The following PARD3 variants were observed in gnomAD, a reference collection of about 807,000 sequenced individuals.
The protein encoded by PARD3 is partitioning defective 3 homolog.
In PARD3, 75 loss-of-function variants were observed where a neutral mutation model predicts 155.4. That is an observed-to-expected ratio of 0.48 (90% confidence interval 0.40 to 0.58). The LOEUF is 0.58. Among genes scored for constraint, PARD3 ranks in the 20% least tolerant of loss-of-function variants. The pLI is 0.00. For synonymous variants in PARD3, 576 were observed against 610.5 expected, an observed-to-expected ratio of 0.94 and a Z score of 0.83; for missense variants, 1,642 against 1,721.7, an observed-to-expected ratio of 0.95 and a Z score of 0.82.
intron 4 of PARD3, among the ~76,000 whole-genome samples, chr10:34,462,077 A>G (rs1206880822): frequency 6.6e-5 from 10 of 152,264 alleles, no homozygotes. Flanking sequence ...CTGCATTCAA[A>G]TAAGATATTT....
intron 19 of PARD3, among the ~76,000 whole-genome samples, chr10:34,326,108 C>T (rs1589187124): frequency 7.5e-6 from 1 of 133,988 alleles, no homozygotes; most frequent in African/African-American, 2.8e-5. Flanking sequence ...GCCTGGGCTA[C>T]AGAGTGACAC....
intron 4 of PARD3, among the ~76,000 whole-genome samples, chr10:34,466,863 C>T (rs898780519): frequency 2.6e-5 from 4 of 152,072 alleles, no homozygotes; most frequent in Non-Finnish European, 5.9e-5. Context: ...GACTAAAATA[C>T]AAACAGCATA....
chr10:34,393,317 T>G (rs545708461), intron 7 of PARD3, among the ~76,000 whole-genome samples: 1 of 152,066 alleles, frequency 6.6e-6, no homozygotes, highest in Non-Finnish European at 1.5e-5. Flanking sequence ...AGGTGGCTCA[T>G]GCCCGTAATC....
At chr10:34,350,504 G>T (rs918567025) in intron 14 of PARD3, among the ~76,000 whole-genome samples, 2 of 151,928 alleles carry the variant, frequency 1.3e-5, no homozygotes, top group Admixed American at 1.3e-4. Context: ...TGTGGTGGCG[G>T]GCACCTGTAA....
intron 22 of PARD3, among the ~76,000 whole-genome samples, chr10:34,255,107 C>G (rs1193817408): frequency 6.6e-6 from 1 of 151,892 alleles, no homozygotes; most frequent in East Asian, 1.9e-4. Flanking sequence ...TCTGTTGCAA[C>G]CAAATTCTAA....
chr10:34,423,143 T>G (rs1476497643), intron 5 of PARD3, among the ~76,000 whole-genome samples: 2 of 152,036 alleles, frequency 1.3e-5, no homozygotes, highest in Non-Finnish European at 2.9e-5. Flanking sequence ...TACTCTGCCT[T>G]TAAAAAGAAA....
intron 1 of PARD3, among the ~76,000 whole-genome samples, chr10:34,707,559 A>C (rs2094384790): frequency 6.6e-6 from 1 of 152,200 alleles, no homozygotes; most frequent in African/African-American, 2.4e-5. Context: ...GCGAGAAGAG[A>C]TCAGAGAGGA....
intron 22 of PARD3, among the ~76,000 whole-genome samples, chr10:34,215,998 A>T (rs1564489652): frequency 6.6e-6 from 1 of 152,226 alleles, no homozygotes; most frequent in Non-Finnish European, 1.5e-5. Flanking sequence ...CTCTATGAAA[A>T]CAAATAAATG....
chr10:34,184,771 G>A (rs1950415538), intron 22 of PARD3, among the ~76,000 whole-genome samples: 1 of 148,706 alleles, frequency 6.7e-6, no homozygotes, highest in Non-Finnish European at 1.5e-5. Context: ...CTGCAAAAGA[G>A]ATCAGAACCT....
chr10:34,293,440 T>C (rs1338560164), intron 20 of PARD3, among the ~76,000 whole-genome samples: 4 of 152,148 alleles, frequency 2.6e-5, no homozygotes, highest in African/African-American at 4.8e-5. Context: ...ATATTTCTGT[T>C]TCTCCCAACT....
intron 22 of PARD3, among the ~76,000 whole-genome samples, chr10:34,160,490 A>T (rs534275698): frequency 6.6e-5 from 10 of 152,334 alleles, no homozygotes; most frequent in Middle Eastern, 3.4e-3. Flanking sequence ...TTACATTTTT[A>T]AAAAATGTGC....
rs1588833736 is a variant in PARD3 at position 34,119,751 on chromosome 10, A to G, written c.3541-11T>C. 6.2e-7 allele frequency: 1 copy of G among 1,608,506 alleles called. No homozygotes were observed. Among genetic ancestry groups the G allele is most frequent in the Non-Finnish European group, 8.5e-7 (1 of 1,176,112 alleles). On this transcript the variant is annotated splice_polypyrimidine_tract_variant and intron_variant, in intron 23 of 24. Coordinates refer to ENST00000374788, the MANE Select transcript of PARD3 (RefSeq NM_001184785.2). ...CGGCCGTGCGTTCGGCTGGAAGAGGAAAATACAAGCACATCGTTAACCAGA... is the reference window on the plus strand; with the variant it reads ...CGGCCGTGCGTTCGGCTGGAAGAGGGAAATACAAGCACATCGTTAACCAGA...
chr10:34,186,373 AAAAG>A (rs1021172787), intron 22 of PARD3, among the ~76,000 whole-genome samples: 1 of 151,322 alleles, frequency 6.6e-6, no homozygotes, highest in African/African-American at 2.4e-5. Flanking sequence ...AAAAAAAAAA[AAAAG>A]AAACCCAGCC....
intron 22 of PARD3, among the ~76,000 whole-genome samples, chr10:34,240,335 C>T (rs984829151): frequency 6.6e-6 from 1 of 152,164 alleles, no homozygotes; most frequent in Non-Finnish European, 1.5e-5. Flanking sequence ...GTGCAAATAA[C>T]TGTATGTGTC....
At chr10:34,547,957 T>A (rs1312155128) in intron 2 of PARD3, among the ~76,000 whole-genome samples, 1 of 152,176 alleles carries the variant, frequency 6.6e-6, no homozygotes, top group African/African-American at 2.4e-5. Flanking sequence ...GCTAACCAGA[T>A]GGTGACAAGC....
intron 18 of PARD3, among the ~76,000 whole-genome samples, chr10:34,335,070 C>G (rs1471940389): frequency 6.6e-6 from 1 of 151,860 alleles, no homozygotes; most frequent in Non-Finnish European, 1.5e-5. Flanking sequence ...TAAAAACTAA[C>G]TACTATTTTA....
At chr10:34,542,319 G>A (rs950611275) in intron 2 of PARD3, among the ~76,000 whole-genome samples, 7 of 151,934 alleles carry the variant, frequency 4.6e-5, no homozygotes, top group Non-Finnish European at 7.4e-5. Flanking sequence ...GATTCTCAAT[G>A]AGGGGCAATT....
chr10:34,743,503 C>A (rs961095152), intron 1 of PARD3, among the ~76,000 whole-genome samples: 3 of 150,668 alleles, frequency 2.0e-5, no homozygotes, highest in African/African-American at 7.3e-5. Flanking sequence ...CAACCTCACA[C>A]TTATCTTTCA....
rs777540573 is a variant in PARD3, at chr10:34,336,225, A to C, written c.2579T>G (p.Leu860Arg). 1.1e-5 allele frequency: 17 copies of C among 1,612,568 alleles called. No individual in the cohort carries two copies. Among genetic ancestry groups the C allele is most frequent in the Non-Finnish European group, 1.4e-5 (17 of 1,178,808 alleles). The change falls in exon 18 of 25, where the codon CTC (leucine) becomes CGC (arginine). Residue 860 changes from leucine (L) to arginine (R), a missense_variant. Physicochemically the swap from Leu to Arg is moderately radical, Grantham distance 102 (BLOSUM62 -2). Coordinates refer to ENST00000374788, the MANE Select transcript of PARD3 (RefSeq NM_001184785.2). ...MDLGIADETK[L>R]NTVDDQKAGS... ...TGCTTTCTGGTCATCCACTGTATTG[A>C]GTTTAGTCTCGTCAGCTACTGTTAA...
Sources: gnomAD v4.1 joint callset for allele counts (sites outside exome capture counted in the v4.1 genomes callset) on GRCh38, gnomAD v4.1.1 for gene constraint, MANE v1.5 for transcripts, NCBI Gene and HGNC (gene_info 2026-07-23, HGNC 2026-07-21) for gene names.